Variants in ZFP30 observed in about 807,000 individuals in gnomAD.
ZFP30 encodes the protein ZFP30 zinc finger protein.
A neutral mutation model predicts 12.3 loss-of-function variants in ZFP30; 16 were observed. The observed-to-expected ratio is 1.30, with a 90% CI of 0.88 to 1.98. The LOEUF is 1.98. ZFP30 is among the 30% of genes most tolerant of loss of function. ZFP30 has a pLI of 0.00. For missense variants in ZFP30, 560 were observed against 611.2 expected (o/e 0.92, Z 0.88); for synonymous variants, 172 against 201.0 (o/e 0.86, Z 1.22).
Position 37,634,885 on chromosome 19 carries a change from T to G in ZFP30, c.*96A>C. On this transcript the variant is annotated 3_prime_UTR_variant, in exon 6 of 6. Transcript: ENST00000684514. ...AACTTCCTATGCTTAGTTGTGAGCA[T>G]GAAGCAAAAGGGATTCCCACGTTCA... 1 of 1,327,776 alleles carries G rather than the reference T, an allele frequency of 7.5e-7. No homozygotes were observed. Among genetic ancestry groups the G allele is most frequent in the Non-Finnish European group, 9.9e-7 (1 of 1,010,370 alleles). The allele number at this position is 1,327,776 out of a possible 1,614,324, so 82.2% of individuals were successfully genotyped here.
At chr19:37,641,025 C>T (rs1038917756) in intron 5 of ZFP30, among the ~76,000 whole-genome samples, 1 of 152,192 alleles carries the variant, frequency 6.6e-6, no homozygotes, top group African/African-American at 2.4e-5. Flanking sequence ...CAATGAAATA[C>T]TGAATAATCC....
chr19:37,645,900 AAC>A (rs1184439780), intron 3 of ZFP30, among the ~76,000 whole-genome samples: 13 of 152,264 alleles, frequency 8.5e-5, no homozygotes, highest in African/African-American at 2.4e-4. Context: ...TTTTTATTAT[AAC>A]AGATTCTTTA....
chr19:37,640,836 TC>T (rs1363111535), intron 5 of ZFP30, among the ~76,000 whole-genome samples: 9 of 152,108 alleles, frequency 5.9e-5, no homozygotes, highest in Admixed American at 5.9e-4. Flanking sequence ...GTATAATGTC[TC>T]CCCCACCCCT....
rs911767164 is a variant in ZFP30, at chr19:37,634,857, TA to T, written c.*123del. The T allele has an allele frequency of 7.5e-5, 80 of 1,068,056 alleles. No homozygotes were observed. The African/African-American group carries it at 8.7e-4, about 12-fold the overall frequency. 66.2% of individuals were successfully genotyped at this position (1,068,056 alleles called of 1,614,324 possible). A position where few individuals can be genotyped will look rare whatever the true frequency, so the allele number is the denominator to read the frequency against. ...TCATTAACATATTCTTTCCTTTAAA[TA>T]AAACTTCCTATGCTTAGTTGTGAGC... On this transcript the variant is annotated 3_prime_UTR_variant, in exon 6 of 6. Transcript: ENST00000684514.
At position 37,631,911 on chromosome 19, in the gene ZFP30, C is replaced by G. The variant is rs190921999; in HGVS notation, c.*3070G>C. 1 of 152,054 alleles carries G rather than the reference C, an allele frequency of 6.6e-6. No individual in the cohort carries two copies. The highest frequency in any genetic ancestry group is 2.1e-4 in the South Asian group (1 of 4,832). 9.4% of individuals were successfully genotyped at this position (152,054 alleles called of 1,614,324 possible). A position where few individuals can be genotyped will look rare whatever the true frequency, so the allele number is the denominator to read the frequency against. On this transcript the variant is annotated 3_prime_UTR_variant, in exon 6 of 6. Transcript: ENST00000684514. The stretch of plus-strand genomic sequence containing the variant: ...TAGAATTACCAGATTTCTCTTCATA[C>G]GGAAAATGTCTAGATTTTCGTTTTG...
rs751548685 is a variant in ZFP30, at chr19:37,635,288, GCCTTCC to G, written c.1247_1252del (p.Gly416_Lys417del). 1.8e-5 allele frequency: 29 copies of G among 1,614,116 alleles called. No homozygotes were observed. The highest frequency in any genetic ancestry group is 4.2e-6 in the Non-Finnish European group (5 of 1,179,974). Reference sequence around the variant, plus strand: ...AGTAAGCTGTGAGAACAGCCTAAATGCCTTCCCACATTCCTTACATTCATAAGGTTT... The same window carrying G: ...AGTAAGCTGTGAGAACAGCCTAAATGCACATTCCTTACATTCATAAGGTTT... On this transcript the variant is annotated inframe_deletion, in exon 6 of 6. Transcript: ENST00000684514.
At chr19:37,643,433 T>G (rs2044477903) in intron 4 of ZFP30, 70 bp from the exon 5 acceptor site, 2 of 1,139,592 alleles carry the variant, frequency 1.8e-6, no homozygotes, top group Non-Finnish European at 2.3e-6. Flanking sequence ...ACTATCAGGA[T>G]TGAAAAACAT....
At chr19:37,640,740 T>C (rs898054405) in intron 5 of ZFP30, among the ~76,000 whole-genome samples, 4 of 150,822 alleles carry the variant, frequency 2.7e-5, no homozygotes, top group Non-Finnish European at 5.9e-5. Flanking sequence ...TAAAATAAAA[T>C]AAAATAAAGT....
chr19:37,637,203 CTT>C (rs1002235029), intron 5 of ZFP30, among the ~76,000 whole-genome samples: 29 of 131,764 alleles, frequency 2.2e-4, no homozygotes, highest in Non-Finnish European at 3.0e-4. Context: ...TTCTTTTTTT[CTT>C]TTTTTTTTTT....
chr19:37,634,791 G>A lies in ZFP30; in HGVS notation c.*190C>T. 1 of 586,744 alleles carries A rather than the reference G, an allele frequency of 1.7e-6. No homozygotes were observed. 36.3% of individuals were successfully genotyped at this position (586,744 alleles called of 1,614,324 possible). The stretch of plus-strand genomic sequence containing the variant: ...TCTTTTCTAGGATGAATTTCCTAAA[G>A]TTTAACATGGTTTCAAAGGTGATGA... On this transcript the variant is annotated 3_prime_UTR_variant, in exon 6 of 6. Coordinates refer to ENST00000684514, the MANE Select transcript of ZFP30 (RefSeq NM_001320669.3).
Position 37,631,990 on chromosome 19 carries a change from A to G in ZFP30, c.*2991T>C, listed in dbSNP as rs1418491062. 2 of 152,068 alleles carry G rather than the reference A, an allele frequency of 1.3e-5. No individual in the cohort carries two copies. Among genetic ancestry groups the G allele is most frequent in the Admixed American group, 6.6e-5 (1 of 15,266 alleles). 9.4% of individuals were successfully genotyped at this position (152,068 alleles called of 1,614,324 possible). A position where few individuals can be genotyped will look rare whatever the true frequency, so the allele number is the denominator to read the frequency against. On this transcript the variant is annotated 3_prime_UTR_variant, in exon 6 of 6. Transcript: ENST00000684514. ...CAGTTTTAGGTTAGTCTTGTAGAAT[A>G]GTATGTTGGAAAAATTTAGCAATTA...
chr19:37,647,205 T>C (rs1003814876), intron 3 of ZFP30, among the ~76,000 whole-genome samples: 2 of 152,176 alleles, frequency 1.3e-5, no homozygotes, highest in Non-Finnish European at 2.9e-5. Flanking sequence ...ATCTCTGCTC[T>C]AGACAGATAA....
chr19:37,635,559 A>G lies in ZFP30; in HGVS notation c.982T>C (p.Cys328Arg). ...KLHTGEKPYECKECGKAFRVR... is the reference protein window; with the variant it reads ...KLHTGEKPYERKECGKAFRVR... ...CTAAAGGCCTTTCCACACTCCTTACATTCATAGGGTTTTTCTCCAGTATGA... is the reference window on the plus strand; with the variant it reads ...CTAAAGGCCTTTCCACACTCCTTACGTTCATAGGGTTTTTCTCCAGTATGA... Residue 328 changes from cysteine to arginine, a missense_variant, in exon 6 of 6, where the codon TGT (cysteine) becomes CGT (arginine). Physicochemically the swap from Cys to Arg is radical, Grantham distance 180. Coordinates refer to ENST00000684514, the MANE Select transcript of ZFP30 (RefSeq NM_001320669.3). 2 of 1,614,112 alleles carry G rather than the reference A, an allele frequency of 1.2e-6. No individual in the cohort carries two copies. The highest frequency in any genetic ancestry group is 1.7e-6 in the Non-Finnish European group (2 of 1,180,032).
At position 37,635,423 on chromosome 19, in the gene ZFP30, T is replaced by C; in HGVS notation, c.1118A>G (p.Gln373Arg). The C allele has an allele frequency of 2.5e-6, 4 of 1,614,188 alleles. No homozygotes were observed. Among genetic ancestry groups the C allele is most frequent in the Non-Finnish European group, 2.5e-6 (3 of 1,180,030 alleles). ...FSRGYHLTLHQRIHTGEKPYE... is the reference protein window; with the variant it reads ...FSRGYHLTLHRRIHTGEKPYE... Reference sequence around the variant, plus strand: ...GGGCTTTTCACCAGTATGTATTCTCTGATGGAGAGTTAGATGATAGCCACG... The same window carrying C: ...GGGCTTTTCACCAGTATGTATTCTCCGATGGAGAGTTAGATGATAGCCACG... Residue 373 changes from glutamine (Q) to arginine (R), a missense_variant, in exon 6 of 6, where the codon CAG becomes CGG. By Grantham distance (43) the Gln-to-Arg change is conservative. Transcript: ENST00000684514.
Position 37,635,492 on chromosome 19 carries a change from C to T in ZFP30, c.1049G>A (p.Gly350Asp). The T allele has an allele frequency of 6.2e-7, 1 of 1,614,152 alleles. No homozygotes were observed. Among genetic ancestry groups the T allele is most frequent in the Non-Finnish European group, 8.5e-7 (1 of 1,180,036 alleles). Residue 350 changes from glycine to aspartate, a missense_variant, in exon 6 of 6, where the codon GGT (glycine) becomes GAT (aspartate). Physicochemically the swap from Gly to Asp is moderately conservative, Grantham distance 94. Coordinates refer to ENST00000684514, the MANE Select transcript of ZFP30 (RefSeq NM_001320669.3). ...TTCCTTACAATCATAAGGCTTCTCA[C>T]CAGTGTGAATTCTCTGATGGAGAGT... ...QLTLHQRIHT[G>D]EKPYDCKECG... is the part of the protein sequence containing the mutation.
chr19:37,632,075 C>T lies in ZFP30; in HGVS notation c.*2906G>A, dbSNP rs1210386330. 6.6e-6 allele frequency: 1 copy of T among 151,678 alleles called. No homozygotes were observed. The highest frequency in any genetic ancestry group is 2.4e-5 in the African/African-American group (1 of 41,404). 9.4% of individuals were successfully genotyped at this position (151,678 alleles called of 1,614,324 possible). ...GGTTCTCGGAGTCTCTCTGAGACCA[C>T]TCTGGCTCAGGAGAGTAGGATTTTT... On this transcript the variant is annotated 3_prime_UTR_variant, in exon 6 of 6. Transcript: ENST00000684514.
In ZFP30 at chr19:37,643,359, T is replaced by A. The variant is rs980427393; in HGVS notation, c.141A>T (p.Gly47=). 1.3e-5 allele frequency: 20 copies of A among 1,576,166 alleles called. No individual in the cohort carries two copies. The highest frequency in any genetic ancestry group is 1.7e-5 in the Non-Finnish European group (20 of 1,163,044). ...ENYSNLVSLA[G]CSISKPDVIT... ...TCACATCTGGCTTAGAAATAGAACATCCTGCTTAAAAATAAATAATAGAAT... is the reference window on the plus strand; with the variant it reads ...TCACATCTGGCTTAGAAATAGAACAACCTGCTTAAAAATAAATAATAGAAT... The change falls in exon 5 of 6, where the codon GGA becomes GGT. Residue 47 remains glycine, a synonymous_variant. Coordinates refer to ENST00000684514, the MANE Select transcript of ZFP30 (RefSeq NM_001320669.3).
chr19:37,635,874 A>C lies in ZFP30; in HGVS notation c.667T>G (p.Phe223Val). Residue 223 changes from phenylalanine to valine, a missense_variant, in exon 6 of 6, where the codon TTC (phenylalanine) becomes GTC (valine). Coordinates refer to ENST00000684514, the MANE Select transcript of ZFP30 (RefSeq NM_001320669.3). ...LYECKKCGKI[F>V]TCGSDLRVHQ... Reference sequence around the variant, plus strand: ...ACTCGAAGGTCTGAGCCACATGTGAAGATCTTTCCACATTTTTTACATTCA... The same window carrying C: ...ACTCGAAGGTCTGAGCCACATGTGACGATCTTTCCACATTTTTTACATTCA... 3 of 1,614,196 alleles carry C rather than the reference A, an allele frequency of 1.9e-6. No individual in the cohort carries two copies. The highest frequency in any genetic ancestry group is 2.5e-6 in the Non-Finnish European group (3 of 1,180,044).
chr19:37,641,660 T>A (rs796769483), intron 5 of ZFP30, among the ~76,000 whole-genome samples: 6 of 152,328 alleles, frequency 3.9e-5, no homozygotes, highest in African/African-American at 1.4e-4. Flanking sequence ...ATAACCACAA[T>A]ACCATTATCC....
Sources: gnomAD v4.1 joint callset for allele counts (sites outside exome capture counted in the v4.1 genomes callset) on GRCh38, gnomAD v4.1.1 for gene constraint, MANE v1.5 for transcripts, NCBI Gene and HGNC (gene_info 2026-07-23, HGNC 2026-07-21) for gene names.